ZBTB10: variants seen among roughly 807,000 people sequenced by gnomAD.
The protein encoded by ZBTB10 is zinc finger and BTB domain-containing protein 10.
Under a neutral mutation model 76.4 loss-of-function variants are expected in ZBTB10, and 32 were observed. The ratio of observed to expected loss-of-function variants is 0.42; its 90% confidence interval spans 0.32 to 0.56. The LOEUF is 0.56. ZBTB10 is among the 20% of genes least tolerant of loss of function. The pLI is 0.14. For synonymous variants in ZBTB10, 523 were observed against 432.9 expected, an observed-to-expected ratio of 1.21 and a Z score of -2.58; for missense variants, 1,057 against 1,098.5, an observed-to-expected ratio of 0.96 and a Z score of 0.53.
At position 80,487,032 on chromosome 8, in the gene ZBTB10, C is replaced by T; in HGVS notation, c.222C>T (p.Pro74=). Residue 74 remains proline, a synonymous_variant, in exon 1 of 6, where the codon CCC becomes CCT. Transcript: ENST00000455036. ...AAGTGGAATTGGAGGGCCTGGAGCC[C>T]CAAGACCTGGAGGCCTCCGCCGGGC... The part of the protein sequence containing the change: ...DEEVELEGLE[P]QDLEASAGPA... 3 of 1,520,576 alleles carry T rather than the reference C, an allele frequency of 2.0e-6. 1 individual carries two copies. In the South Asian group the frequency reaches 3.6e-5, roughly 18 times the overall value. 94.2% of individuals were successfully genotyped at this position (1,520,576 alleles called of 1,614,324 possible).
At chr8:80,490,716 T>G (rs1223679862) in intron 1 of ZBTB10, among the ~76,000 whole-genome samples, 2 of 152,188 alleles carry the variant, frequency 1.3e-5, no homozygotes, top group African/African-American at 4.8e-5. Flanking sequence ...TTAGAATTCT[T>G]TAGGCAAGAA....
intron 3 of ZBTB10, among the ~76,000 whole-genome samples, chr8:80,514,974 C>T (rs1317609183): frequency 1.3e-5 from 2 of 152,050 alleles, no homozygotes; most frequent in African/African-American, 2.4e-5. Flanking sequence ...GTGGGGAAAC[C>T]ACTAGATTGA....
At chr8:80,492,496 T>C (rs1815656642) in intron 1 of ZBTB10, among the ~76,000 whole-genome samples, 1 of 152,092 alleles carries the variant, frequency 6.6e-6, no homozygotes, top group Non-Finnish European at 1.5e-5. Context: ...TTTTTTTTTT[T>C]TGAGATGGGG....
intron 2 of ZBTB10, among the ~76,000 whole-genome samples, chr8:80,500,765 C>T (rs1460485782): frequency 6.6e-6 from 1 of 152,164 alleles, no homozygotes; most frequent in African/African-American, 2.4e-5. Context: ...CAGAGACCCC[C>T]TTAACCTTTT....
At position 80,500,010 on chromosome 8, in the gene ZBTB10, A is replaced by G. The variant is rs991991365; in HGVS notation, c.1489A>G (p.Lys497Glu). 6.2e-7 allele frequency: 1 copy of G among 1,614,028 alleles called. No homozygotes were observed. The highest frequency in any genetic ancestry group is 8.5e-7 in the Non-Finnish European group (1 of 1,179,886). Residue 497 changes from lysine to glutamate, a missense_variant, in exon 2 of 6, where the codon AAA (lysine) becomes GAA (glutamate). Lys to Glu is a moderately conservative substitution (Grantham distance 56). Coordinates refer to ENST00000455036, the MANE Select transcript of ZBTB10 (RefSeq NM_001105539.3). The stretch of plus-strand genomic sequence containing the variant: ...TGGTCTGTCTTCATCACGGGATCAA[A>G]AAATTGCCAGTTTTTGGGCAACACG... ...RDGLSSSRDQ[K>E]IASFWATRNL...
chr8:80,506,198 T>G (rs1816047746), intron 2 of ZBTB10, among the ~76,000 whole-genome samples: 1 of 152,194 alleles, frequency 6.6e-6, no homozygotes, highest in Non-Finnish European at 1.5e-5. Flanking sequence ...CTTAAAATTC[T>G]GAAATCTTAA....
At chr8:80,498,494 T>G (rs1285940621) in intron 1 of ZBTB10, among the ~76,000 whole-genome samples, 4 of 152,244 alleles carry the variant, frequency 2.6e-5, no homozygotes, top group African/African-American at 7.2e-5. Context: ...TTCATTTGTT[T>G]AGCAAAGTGT....
In ZBTB10 at chr8:80,524,888, A is replaced by G. The variant is rs1816526610; in HGVS notation, c.*5360A>G. 6.6e-6 allele frequency: 1 copy of G among 152,134 alleles called. No individual in the cohort carries two copies. The highest frequency in any genetic ancestry group is 2.4e-5 in the African/African-American group (1 of 41,446). 9.4% of individuals were successfully genotyped at this position (152,134 alleles called of 1,614,324 possible). ...TGAAAGAGATTACTTAATCATTTTG[A>G]CAAAGGCAGTATTGACCAGACATTT... On this transcript the variant is annotated 3_prime_UTR_variant, in exon 6 of 6. Transcript: ENST00000455036.
At chr8:80,508,152 A>C (rs1331900877) in intron 2 of ZBTB10, among the ~76,000 whole-genome samples, 1 of 152,216 alleles carries the variant, frequency 6.6e-6, no homozygotes, top group Non-Finnish European at 1.5e-5. Flanking sequence ...GTCAGAATAA[A>C]GCTGAAGAGC....
chr8:80,518,254 A>G, intron 3 of ZBTB10, 149 bp from the exon 4 acceptor site: 4 of 746,954 alleles, frequency 5.4e-6, no homozygotes, highest in Non-Finnish European at 8.1e-6. Context: ...AGACATCTCA[A>G]TTTTAGACTA....
chr8:80,487,282 C>A lies in ZBTB10; in HGVS notation c.472C>A (p.Pro158Thr). The A allele has an allele frequency of 6.5e-7, 1 of 1,549,862 alleles. No homozygotes were observed. Among genetic ancestry groups the A allele is most frequent in the Non-Finnish European group, 8.7e-7 (1 of 1,147,604 alleles). ...WPLRHFNGRG[P>T]ATVDLELDAL... ...CTTGAGGCATTTCAATGGGCGAGGG[C>A]CGGCGACTGTGGATCTGGAGCTGGA... Residue 158 changes from proline (P) to threonine (T), a missense_variant, in exon 1 of 6, where the codon CCG becomes ACG. Transcript: ENST00000455036.
chr8:80,516,391 A>G (rs1816326675), intron 3 of ZBTB10, among the ~76,000 whole-genome samples: 1 of 152,218 alleles, frequency 6.6e-6, no homozygotes, highest in African/African-American at 2.4e-5. Flanking sequence ...TGTCTTAAAC[A>G]ATAGAAAAAC....
chr8:80,491,300 A>G (rs1376264530), intron 1 of ZBTB10, among the ~76,000 whole-genome samples: 2 of 152,196 alleles, frequency 1.3e-5, no homozygotes, highest in African/African-American at 4.8e-5. Flanking sequence ...ACAGATTTGT[A>G]GTCTGGGAGC....
rs1815868456 is a variant in ZBTB10, at chr8:80,499,495, A to G, written c.974A>G (p.Glu325Gly). ...TTAATGTTTTTTATCCAATTACAGG[A>G]GTCAGAAATACCATCAGAGGAGGGG... ...EHKLHEANAQESEIPSEEGYC... is the reference protein window; with the variant it reads ...EHKLHEANAQGSEIPSEEGYC... The change falls in exon 2 of 6, where the codon GAG becomes GGG. Residue 325 changes from glutamate (E) to glycine (G), a missense_variant and splice_region_variant. Physicochemically the swap from Glu to Gly is moderately conservative, Grantham distance 98. Coordinates refer to ENST00000455036, the MANE Select transcript of ZBTB10 (RefSeq NM_001105539.3). 1.3e-6 allele frequency: 2 copies of G among 1,576,240 alleles called. No homozygotes were observed. Among genetic ancestry groups the G allele is most frequent in the Admixed American group, 1.9e-5 (1 of 52,972 alleles).
intron 2 of ZBTB10, among the ~76,000 whole-genome samples, chr8:80,502,139 G>A (rs369890385): frequency 1.3e-5 from 2 of 152,302 alleles, no homozygotes; most frequent in Admixed American, 6.5e-5. Context: ...GACATTACTA[G>A]CAATTTTTAT....
At chr8:80,519,004 C>T (rs1816395956) in intron 5 of ZBTB10, 50 bp downstream of exon 5, 6 of 1,523,826 alleles carry the variant, frequency 3.9e-6, no homozygotes, top group Admixed American at 2.1e-5. Context: ...ATATTTATGT[C>T]AGTGAAGTTT....
rs1458603627 is a variant in ZBTB10 at position 80,522,949 on chromosome 8, C to G, written c.*3421C>G. The G allele has an allele frequency of 6.6e-6, 1 of 151,488 alleles. No individual in the cohort carries two copies. Among genetic ancestry groups the G allele is most frequent in the African/African-American group, 2.4e-5 (1 of 41,256 alleles). The allele number at this position is 151,488 out of a possible 1,614,324, so 9.4% of individuals were successfully genotyped here. A position where few individuals can be genotyped will look rare whatever the true frequency, so the allele number is the denominator to read the frequency against. On this transcript the variant is annotated 3_prime_UTR_variant, in exon 6 of 6. Coordinates refer to ENST00000455036, the MANE Select transcript of ZBTB10 (RefSeq NM_001105539.3). ...TCTTAATTTTTAAAACTTTAGTAAG[C>G]TTTATTTATATTTTTTAGGATTTTC...
intron 2 of ZBTB10, among the ~76,000 whole-genome samples, chr8:80,502,105 A>G (rs1815939459): frequency 6.6e-6 from 1 of 152,216 alleles, no homozygotes; most frequent in Non-Finnish European, 1.5e-5. Flanking sequence ...TTAATAATGA[A>G]CCACAATGCA....
chr8:80,495,447 T>C (rs1274805287), intron 1 of ZBTB10, among the ~76,000 whole-genome samples: 2 of 151,798 alleles, frequency 1.3e-5, no homozygotes, highest in African/African-American at 4.8e-5. Context: ...TCGCATTTAC[T>C]TGAAGTGCTC....
Sources: gnomAD v4.1 joint callset for allele counts (sites outside exome capture counted in the v4.1 genomes callset) on GRCh38, gnomAD v4.1.1 for gene constraint, MANE v1.5 for transcripts, NCBI Gene and HGNC (gene_info 2026-07-23, HGNC 2026-07-21) for gene names.